OGFRL1: variants seen among roughly 807,000 people sequenced by gnomAD.
The protein encoded by OGFRL1 is opioid growth factor receptor-like protein 1.
OGFRL1 carries 26 observed loss-of-function variants against 32.4 expected under a neutral mutation model. The observed-to-expected ratio is 0.80, with a 90% CI of 0.59 to 1.11. OGFRL1 has a LOEUF of 1.11. Among genes scored for constraint, OGFRL1 ranks in the 50% most tolerant of loss-of-function variants. The pLI, the probability that OGFRL1 is intolerant of heterozygous loss-of-function variation, is 0.00. For synonymous variants in OGFRL1, 211 were observed against 201.2 expected, an observed-to-expected ratio of 1.05 and a Z score of -0.41; for missense variants, 521 against 546.4, an observed-to-expected ratio of 0.95 and a Z score of 0.46.
Position 71,306,440 on chromosome 6 carries a change from A to G in OGFRL1, c.*4391A>G, listed in dbSNP as rs946428640. Reference sequence around the variant, plus strand: ...GAAATCCCTTATTATTGAAATGAATAATAATATAGCTATAAATATGAATGT... The same window carrying G: ...GAAATCCCTTATTATTGAAATGAATGATAATATAGCTATAAATATGAATGT... On this transcript the variant is annotated 3_prime_UTR_variant, in exon 7 of 7. Transcript: ENST00000370435. 2 of 152,200 alleles carry G rather than the reference A, an allele frequency of 1.3e-5. No homozygotes were observed. Among genetic ancestry groups the G allele is most frequent in the African/African-American group, 2.4e-5 (1 of 41,450 alleles). The allele number at this position is 152,200 out of a possible 1,614,324, so 9.4% of individuals were successfully genotyped here.
chr6:71,301,811 C>A lies in OGFRL1; in HGVS notation c.1118C>A (p.Pro373His). 6.2e-7 allele frequency: 1 copy of A among 1,613,162 alleles called. No homozygotes were observed. The highest frequency in any genetic ancestry group is 8.5e-7 in the Non-Finnish European group (1 of 1,179,836). The change falls in exon 7 of 7, where the codon CCT (proline) becomes CAT (histidine). Residue 373 changes from proline (P) to histidine (H), a missense_variant. Transcript: ENST00000370435. ...AEDKKVAPKE[P>H]VEETDRPSPE... is the part of the protein sequence containing the mutation. ...GACAAAAAAGTGGCACCAAAAGAGC[C>A]TGTGGAAGAGACAGACAGGCCCAGC...
chr6:71,296,409 T>C lies in OGFRL1; in HGVS notation c.479+14T>C, dbSNP rs1290320174. 8 of 1,607,356 alleles carry C rather than the reference T, an allele frequency of 5.0e-6. No homozygotes were observed. The highest frequency in any genetic ancestry group is 6.8e-6 in the Non-Finnish European group (8 of 1,174,784). ...TTACATTCAATGGTCAGTTACATAT[T>C]ATCTATCTTGAACCATGTCCTATTT... On this transcript the variant is annotated intron_variant, in intron 4 of 6. Coordinates refer to ENST00000370435, the MANE Select transcript of OGFRL1 (RefSeq NM_024576.5).
At chr6:71,296,239 AACTC>A in intron 3 of OGFRL1, 74 bp from the exon 4 acceptor site, 1 of 970,484 alleles carries the variant, frequency 1.0e-6, no homozygotes. Flanking sequence ...TTTCATATAA[AACTC>A]AAGTGATTCG....
In OGFRL1 at chr6:71,306,598, G is replaced by A. The variant is rs1211221485; in HGVS notation, c.*4549G>A. On this transcript the variant is annotated 3_prime_UTR_variant, in exon 7 of 7. Coordinates refer to ENST00000370435, the MANE Select transcript of OGFRL1 (RefSeq NM_024576.5). ...ATATCAGTTCTTTTAATGAAATTTA[G>A]GTGGTGCTTTATCATTTTGGAGAAG... 2.0e-5 allele frequency: 3 copies of A among 152,120 alleles called. No individual in the cohort carries two copies. Among genetic ancestry groups the A allele is most frequent in the Admixed American group, 6.5e-5 (1 of 15,282 alleles). 9.4% of individuals were successfully genotyped at this position (152,120 alleles called of 1,614,324 possible). A position where few individuals can be genotyped will look rare whatever the true frequency, so the allele number is the denominator to read the frequency against.
In OGFRL1 at chr6:71,288,855, G is replaced by A; in HGVS notation, c.-82G>A. On this transcript the variant is annotated 5_prime_UTR_variant, in exon 1 of 7. Coordinates refer to ENST00000370435, the MANE Select transcript of OGFRL1 (RefSeq NM_024576.5). The stretch of plus-strand genomic sequence containing the variant: ...TAGGCTGCCGCCCAGCGCCCTCGCC[G>A]CGGCCATGCCCGGGCCCTAGAGCGC... 7.9e-6 allele frequency: 8 copies of A among 1,011,782 alleles called. No individual in the cohort carries two copies. Among genetic ancestry groups the A allele is most frequent in the Non-Finnish European group, 9.5e-6 (8 of 837,912 alleles). 62.7% of individuals were successfully genotyped at this position (1,011,782 alleles called of 1,614,324 possible).
At chr6:71,294,318 G>T (rs1766138994) in intron 3 of OGFRL1, among the ~76,000 whole-genome samples, 1 of 152,032 alleles carries the variant, frequency 6.6e-6, no homozygotes. Flanking sequence ...TTTTATCCAG[G>T]TCACCCTAGG....
In OGFRL1 at chr6:71,288,948, G is replaced by A. The variant is rs544160797; in HGVS notation, c.12G>A (p.Leu4=). 5 of 1,373,840 alleles carry A rather than the reference G, an allele frequency of 3.6e-6. No individual in the cohort carries two copies. The highest frequency in any genetic ancestry group is 3.1e-5 in the African/African-American group (2 of 65,214). The allele number at this position is 1,373,840 out of a possible 1,614,324, so 85.1% of individuals were successfully genotyped here. A position where few individuals can be genotyped will look rare whatever the true frequency, so the allele number is the denominator to read the frequency against. ...CCGCCGCCTCTTCAATGGGCAACCT[G>A]CTCGGCGGGGTCAGCTTCCGCGAGC... MGN[L]LGGVSFREPT... Residue 4 remains leucine, a synonymous_variant, in exon 1 of 7, where the codon CTG becomes CTA. Transcript: ENST00000370435.
At chr6:71,296,005 A>G (rs940377605) in intron 3 of OGFRL1, among the ~76,000 whole-genome samples, 2 of 152,186 alleles carry the variant, frequency 1.3e-5, no homozygotes, top group Non-Finnish European at 2.9e-5. Context: ...ACATAAATGA[A>G]TGTGCATAGC....
In OGFRL1 at chr6:71,304,623, C is replaced by T. The variant is rs1006390056; in HGVS notation, c.*2574C>T. The T allele has an allele frequency of 1.4e-4, 21 of 151,966 alleles. No homozygotes were observed. Among genetic ancestry groups the T allele is most frequent in the African/African-American group, 4.3e-4 (18 of 41,404 alleles). The allele number at this position is 151,966 out of a possible 1,614,324, so 9.4% of individuals were successfully genotyped here. Reference sequence around the variant, plus strand: ...TACTTAGAAATTGTATATTAGAGCCCTTATGAGTAAAAACATTTCATTTAG... The same window carrying T: ...TACTTAGAAATTGTATATTAGAGCCTTTATGAGTAAAAACATTTCATTTAG... On this transcript the variant is annotated 3_prime_UTR_variant, in exon 7 of 7. Coordinates refer to ENST00000370435, the MANE Select transcript of OGFRL1 (RefSeq NM_024576.5).
rs1766461628 is a variant in OGFRL1, at chr6:71,303,528, A to G, written c.*1479A>G. ...TGATGGTTGATTCTGAATGTAAATG[A>G]CTGAAGAATTAAAAAATAAGAAATT... On this transcript the variant is annotated 3_prime_UTR_variant, in exon 7 of 7. Coordinates refer to ENST00000370435, the MANE Select transcript of OGFRL1 (RefSeq NM_024576.5). The G allele has an allele frequency of 6.6e-6, 1 of 152,242 alleles. No homozygotes were observed. Among genetic ancestry groups the G allele is most frequent in the Non-Finnish European group, 1.5e-5 (1 of 68,026 alleles). The allele number at this position is 152,242 out of a possible 1,614,324, so 9.4% of individuals were successfully genotyped here. A position where few individuals can be genotyped will look rare whatever the true frequency, so the allele number is the denominator to read the frequency against.
chr6:71,308,335 A>G lies in OGFRL1; in HGVS notation c.*6286A>G, dbSNP rs1432439324. The G allele has an allele frequency of 6.6e-6, 1 of 152,132 alleles. No homozygotes were observed. Among genetic ancestry groups the G allele is most frequent in the East Asian group, 1.9e-4 (1 of 5,202 alleles). 9.4% of individuals were successfully genotyped at this position (152,132 alleles called of 1,614,324 possible). On this transcript the variant is annotated 3_prime_UTR_variant, in exon 7 of 7. Coordinates refer to ENST00000370435, the MANE Select transcript of OGFRL1 (RefSeq NM_024576.5). Reference sequence around the variant, plus strand: ...CAAAATGTTAGGTCCTTTGACAAGCATTTTCCTCCTGTTTTTAAAAAGGGC... The same window carrying G: ...CAAAATGTTAGGTCCTTTGACAAGCGTTTTCCTCCTGTTTTTAAAAAGGGC...
At chr6:71,293,139 G>A (rs143875862) in intron 1 of OGFRL1, among the ~76,000 whole-genome samples, 154 bp from the exon 2 acceptor site, 177 of 152,238 alleles carry the variant, frequency 1.2e-3, no homozygotes, top group African/African-American at 3.6e-3. Flanking sequence ...GCTAGTAAGC[G>A]TTATTAAAGG....
Position 71,307,926 on chromosome 6 carries a change from T to G in OGFRL1, c.*5877T>G, listed in dbSNP as rs899110407. 3 of 152,186 alleles carry G rather than the reference T, an allele frequency of 2.0e-5. No homozygotes were observed. Among genetic ancestry groups the G allele is most frequent in the African/African-American group, 7.2e-5 (3 of 41,444 alleles). 9.4% of individuals were successfully genotyped at this position (152,186 alleles called of 1,614,324 possible). On this transcript the variant is annotated 3_prime_UTR_variant, in exon 7 of 7. Coordinates refer to ENST00000370435, the MANE Select transcript of OGFRL1 (RefSeq NM_024576.5). ...AAGTTTGTGTAAGTGCCAGAATTAT[T>G]GGAAGCAGGTGACGAATGATTAAGA... is the stretch of plus-strand genomic sequence containing the variant.
At position 71,301,610 on chromosome 6, in the gene OGFRL1, C is replaced by T; in HGVS notation, c.917C>T (p.Pro306Leu). The T allele has an allele frequency of 1.2e-6, 2 of 1,614,136 alleles. No individual in the cohort carries two copies. The highest frequency in any genetic ancestry group is 1.7e-6 in the Non-Finnish European group (2 of 1,180,034). ...CGGTTCGCCCAGAAACACTACACGCCTTCAGAGAACTTTATCTGGGGACCG... is the reference window on the plus strand; with the variant it reads ...CGGTTCGCCCAGAAACACTACACGCTTTCAGAGAACTTTATCTGGGGACCG... Reference protein sequence around the residue: ...LLRFAQKHYTPSENFIWGPPR... With the variant: ...LLRFAQKHYTLSENFIWGPPR... Residue 306 changes from proline to leucine, a missense_variant, in exon 7 of 7, where the codon CCT (proline) becomes CTT (leucine). Coordinates refer to ENST00000370435, the MANE Select transcript of OGFRL1 (RefSeq NM_024576.5).
intron 1 of OGFRL1, chr6:71,289,755 A>G (rs1399938307): frequency 1.0e-6 from 1 of 985,142 alleles, no homozygotes; most frequent in East Asian, 1.1e-4. Flanking sequence ...ATTTCACCAG[A>G]AGACTTGTTG....
chr6:71,299,369 C>T (rs898210523), intron 6 of OGFRL1, among the ~76,000 whole-genome samples: 41 of 152,116 alleles, frequency 2.7e-4, no homozygotes, highest in African/African-American at 9.7e-4. Flanking sequence ...CATACTGAAA[C>T]ACCCAATTGC....
chr6:71,288,981 C>G lies in OGFRL1; in HGVS notation c.45C>G (p.Thr15=). 7.2e-7 allele frequency: 1 copy of G among 1,393,406 alleles called. No homozygotes were observed. The highest frequency in any genetic ancestry group is 9.5e-7 in the Non-Finnish European group (1 of 1,057,986). 86.3% of individuals were successfully genotyped at this position (1,393,406 alleles called of 1,614,324 possible). Residue 15 remains threonine, a synonymous_variant, in exon 1 of 7, where the codon ACC becomes ACG. Transcript: ENST00000370435. Reference sequence around the variant, plus strand: ...GGGTCAGCTTCCGCGAGCCCACCACCGTGGAGGACTGCGACTCCACCTGGC... The same window carrying G: ...GGGTCAGCTTCCGCGAGCCCACCACGGTGGAGGACTGCGACTCCACCTGGC... ...LGGVSFREPT[T]VEDCDSTWQT...
intron 1 of OGFRL1, among the ~76,000 whole-genome samples, chr6:71,290,373 T>A (rs1766010753): frequency 6.6e-6 from 1 of 152,222 alleles, no homozygotes; most frequent in South Asian, 2.1e-4. Context: ...AATTCAATCT[T>A]ATTAAATTAT....
In OGFRL1 at chr6:71,307,395, T is replaced by C. The variant is rs1380551264; in HGVS notation, c.*5346T>C. 6.6e-6 allele frequency: 1 copy of C among 152,218 alleles called. No individual in the cohort carries two copies. Among genetic ancestry groups the C allele is most frequent in the African/African-American group, 2.4e-5 (1 of 41,454 alleles). The allele number at this position is 152,218 out of a possible 1,614,324, so 9.4% of individuals were successfully genotyped here. Reference sequence around the variant, plus strand: ...CTCATAAAATACCTGCTACAATTTATTTATTTTGTAGTTGTTTAGAAAACT... The same window carrying C: ...CTCATAAAATACCTGCTACAATTTACTTATTTTGTAGTTGTTTAGAAAACT... On this transcript the variant is annotated 3_prime_UTR_variant, in exon 7 of 7. Transcript: ENST00000370435.
Sources: gnomAD v4.1 joint callset for allele counts (sites outside exome capture counted in the v4.1 genomes callset) on GRCh38, gnomAD v4.1.1 for gene constraint, MANE v1.5 for transcripts, NCBI Gene and HGNC (gene_info 2026-07-23, HGNC 2026-07-21) for gene names.